MGAT4C: variants seen among roughly 807,000 people sequenced by gnomAD.
The protein encoded by MGAT4C is alpha-1,3-mannosyl-glycoprotein 4-beta-N-acetylglucosaminyltransferase C.
MGAT4C carries 19 observed loss-of-function variants against 40.1 expected under a neutral mutation model. The observed-to-expected ratio is 0.47, with a 90% CI of 0.33 to 0.70. The LOEUF is 0.70. MGAT4C is among the 30% of genes least tolerant of loss of function. The pLI, the probability that MGAT4C is intolerant of heterozygous loss-of-function variation, is 0.02. For synonymous variants in MGAT4C, 181 were observed against 187.1 expected (o/e 0.97, Z 0.27); for missense variants, 491 against 563.2 (o/e 0.87, Z 1.30).
intron 3 of MGAT4C, among the ~76,000 whole-genome samples, chr12:86,415,245 C>A (rs1261693792): frequency 6.6e-6 from 1 of 151,982 alleles, no homozygotes; most frequent in Non-Finnish European, 1.5e-5. Context: ...TACAGGTGTT[C>A]TAATTGTAGC....
intron 1 of MGAT4C, among the ~76,000 whole-genome samples, chr12:86,196,323 A>G (rs1346194522): frequency 6.6e-6 from 1 of 152,204 alleles, no homozygotes; most frequent in Non-Finnish European, 1.5e-5. Context: ...CTTTGGTCTG[A>G]TGCGCTGCCT....
chr12:86,603,686 T>A (rs1410024660), intron 2 of MGAT4C, among the ~76,000 whole-genome samples: 2 of 129,826 alleles, frequency 1.5e-5, no homozygotes, highest in African/African-American at 5.8e-5. Flanking sequence ...ATATACTATA[T>A]ATAGACTATA....
chr12:86,603,260 T>C (rs1044870196), intron 2 of MGAT4C, among the ~76,000 whole-genome samples: 1 of 142,842 alleles, frequency 7.0e-6, no homozygotes, highest in African/African-American at 2.5e-5. Context: ...ATATACTATA[T>C]AACTATAATA....
At chr12:86,561,230 A>G (rs1959848566) in intron 2 of MGAT4C, among the ~76,000 whole-genome samples, 1 of 152,192 alleles carries the variant, frequency 6.6e-6, no homozygotes, top group Non-Finnish European at 1.5e-5. Context: ...AAAAAAAATT[A>G]TCCTATAACT....
At chr12:86,655,830 A>G (rs1039495672) in intron 2 of MGAT4C, among the ~76,000 whole-genome samples, 13 of 152,194 alleles carry the variant, frequency 8.5e-5, no homozygotes, top group Middle Eastern at 6.8e-3. Flanking sequence ...GTCCCCTGTT[A>G]TTACTGGTAC....
intron 4 of MGAT4C, among the ~76,000 whole-genome samples, chr12:86,331,632 G>C (rs1954671284): frequency 6.6e-6 from 1 of 152,092 alleles, no homozygotes; most frequent in African/African-American, 2.4e-5. Flanking sequence ...AATTCTTTTA[G>C]AGAGACAGTT....
chr12:86,449,495 AT>A (rs1356965582), intron 2 of MGAT4C, among the ~76,000 whole-genome samples: 1 of 152,018 alleles, frequency 6.6e-6, no homozygotes, highest in African/African-American at 2.4e-5. Flanking sequence ...TAACACATTC[AT>A]TGAGACAGCC....
At chr12:86,345,831 C>T (rs57844060) in intron 3 of MGAT4C, among the ~76,000 whole-genome samples, 1,570 of 152,268 alleles carry the variant, frequency 0.01, 28 homozygotes, top group African/African-American at 0.036. Context: ...ATCGCCACAC[C>T]GACCTTCACA....
chr12:86,787,001 T>A (rs950884381), intron 1 of MGAT4C, among the ~76,000 whole-genome samples: 1 of 152,118 alleles, frequency 6.6e-6, no homozygotes, highest in Non-Finnish European at 1.5e-5. Context: ...ACAATGTATG[T>A]TTTGTATTTT....
intron 1 of MGAT4C, among the ~76,000 whole-genome samples, chr12:86,782,238 G>C (rs1385018304): frequency 1.6e-5 from 2 of 123,516 alleles, no homozygotes; most frequent in African/African-American, 6.2e-5. Flanking sequence ...CTGGAGTGCA[G>C]TGGCGGGATC....
intron 3 of MGAT4C, among the ~76,000 whole-genome samples, chr12:86,374,144 TG>T (rs1955777978): frequency 6.6e-6 from 1 of 151,872 alleles, no homozygotes; most frequent in Non-Finnish European, 1.5e-5. Context: ...AAAACAGACA[TG>T]AAAAAAATGA....
chr12:86,630,466 C>T (rs930794373), intron 2 of MGAT4C, among the ~76,000 whole-genome samples: 1 of 152,108 alleles, frequency 6.6e-6, no homozygotes, highest in Non-Finnish European at 1.5e-5. Context: ...GAATTTTAGA[C>T]CAATATTCCT....
intron 3 of MGAT4C, among the ~76,000 whole-genome samples, chr12:86,356,492 G>A (rs61950748): frequency 2.6e-4 from 39 of 152,056 alleles, no homozygotes; most frequent in Admixed American, 2.2e-3. Flanking sequence ...TGGGTGCAGC[G>A]CACGGAGCAT....
At chr12:86,377,864 C>G (rs561527517) in intron 3 of MGAT4C, among the ~76,000 whole-genome samples, 1 of 152,104 alleles carries the variant, frequency 6.6e-6, no homozygotes, top group Non-Finnish European at 1.5e-5. Flanking sequence ...CCATTCTCCC[C>G]TTCCCTGGCC....
At chr12:86,295,258 A>C (rs73181997) in intron 4 of MGAT4C, among the ~76,000 whole-genome samples, 8,097 of 152,278 alleles carry the variant, frequency 0.053, 305 homozygotes, top group Middle Eastern at 0.12. Flanking sequence ...TCGATTTCCA[A>C]AGCTATAAAA....
At chr12:86,665,244 G>A (rs561451157) in intron 2 of MGAT4C, among the ~76,000 whole-genome samples, 15 of 152,262 alleles carry the variant, frequency 9.9e-5, no homozygotes, top group Admixed American at 3.3e-4. Flanking sequence ...CCCCAAGTGA[G>A]GTGGAAAACA....
chr12:86,640,956 T>C (rs1488299927), intron 2 of MGAT4C, among the ~76,000 whole-genome samples: 4 of 152,054 alleles, frequency 2.6e-5, no homozygotes, highest in African/African-American at 7.2e-5. Flanking sequence ...GATTGCACTG[T>C]GATCTGAGAG....
At chr12:86,132,749 G>C (rs570869591) in intron 1 of MGAT4C, among the ~76,000 whole-genome samples, 1 of 140,386 alleles carries the variant, frequency 7.1e-6, no homozygotes, top group African/African-American at 2.7e-5. Flanking sequence ...CAGAGATCGC[G>C]CCACTGCACT....
chr12:86,524,645 A>G (rs907204468), intron 2 of MGAT4C, among the ~76,000 whole-genome samples: 3 of 152,072 alleles, frequency 2.0e-5, no homozygotes, highest in African/African-American at 7.2e-5. Context: ...CTCATGGATG[A>G]TATCCTGAAG....
Sources: gnomAD v4.1 joint callset for allele counts (sites outside exome capture counted in the v4.1 genomes callset) on GRCh38, gnomAD v4.1.1 for gene constraint, MANE v1.5 for transcripts, NCBI Gene and HGNC (gene_info 2026-07-23, HGNC 2026-07-21) for gene names.